Variants in EVC2 observed in about 807,000 individuals in gnomAD.
EVC2 encodes limbin.
A neutral mutation model predicts 149.3 loss-of-function variants in EVC2; 148 were observed. The ratio of observed to expected loss-of-function variants is 0.99; its 90% CI spans 0.87 to 1.14. The LOEUF is 1.14. EVC2 is among the 50% of genes most tolerant of loss of function. The probability of loss-of-function intolerance (pLI) is 0.00; values close to 1 mark genes in which losing one functional copy is unlikely to be tolerated. For synonymous variants in EVC2, 776 were observed against 649.9 expected (o/e 1.19, Z -2.95); for missense variants, 1,854 against 1,627.3 (o/e 1.14, Z -2.40).
intron 15 of EVC2, 138 bp from the exon 16 acceptor site, chr4:5,615,682 G>A: frequency 1.6e-6 from 2 of 1,229,628 alleles, no homozygotes; most frequent in Non-Finnish European, 2.4e-6. Context: ...CCAGAGAGGG[G>A]AGGAGAGAGG....
intron 17 of EVC2, among the ~76,000 whole-genome samples, chr4:5,580,430 A>C (rs149919047): frequency 6.6e-6 from 1 of 152,374 alleles, no homozygotes; most frequent in Non-Finnish European, 1.5e-5. Context: ...GATAAAATCG[A>C]AAATGTAAGT....
Position 5,622,995 on chromosome 4 carries a change from G to C in EVC2, c.2047-4C>G, listed in dbSNP as rs2108839468. ...GCTCCCTACGCTGCTCCCTGTGCTG[G>C]AGTTTCAGAAAAGAAAATTAAGTGG... On this transcript the variant is annotated splice_region_variant and splice_polypyrimidine_tract_variant and intron_variant, in intron 13 of 21. Coordinates refer to ENST00000344408, the MANE Select transcript of EVC2 (RefSeq NM_147127.5). The surrounding 1 kb of genome is among the most constrained non-coding windows in gnomAD (Gnocchi z 5.8). The C allele has an allele frequency of 6.2e-7, 1 of 1,613,770 alleles. No individual in the cohort carries two copies. Among genetic ancestry groups the C allele is most frequent in the Non-Finnish European group, 8.5e-7 (1 of 1,179,922 alleles).
At chr4:5,695,866 G>A (rs761882825) in intron 2 of EVC2, among the ~76,000 whole-genome samples, 7 of 152,080 alleles carry the variant, frequency 4.6e-5, no homozygotes, top group Non-Finnish European at 8.8e-5. Context: ...CAAAATATAT[G>A]CAGGAAAAAA....
intron 1 of EVC2, among the ~76,000 whole-genome samples, chr4:5,703,468 A>G (rs770220354): frequency 1.3e-5 from 2 of 152,214 alleles, no homozygotes; most frequent in South Asian, 2.1e-4. Context: ...ATAAATATTT[A>G]TAAGTTGACA....
At position 5,640,828 on chromosome 4, in the gene EVC2, C is replaced by G. The variant is rs770026240; in HGVS notation, c.1156G>C (p.Ala386Pro). The stretch of plus-strand genomic sequence containing the variant: ...TCTGCATCTGCCCGATTCAGGGTTG[C>G]AATCTCCAACCTAGGAAACACAAAA... ...MLQALEELEI[A>P]TLNRADADLE... is the part of the protein sequence containing the mutation. Residue 386 changes from alanine to proline, a missense_variant, in exon 10 of 22, where the codon GCA (alanine) becomes CCA (proline). Ala to Pro is a conservative substitution (Grantham distance 27, BLOSUM62 -1). Coordinates refer to ENST00000344408, the MANE Select transcript of EVC2 (RefSeq NM_147127.5). This position sits in a 1 kb window ranked among gnomAD's most constrained non-coding sequence, Gnocchi z 4.6. 26 of 1,614,052 alleles carry G rather than the reference C, an allele frequency of 1.6e-5. No homozygotes were observed. Among genetic ancestry groups the G allele is most frequent in the Non-Finnish European group, 2.1e-5 (25 of 1,180,034 alleles).
rs893848569 is a variant in EVC2 at position 5,622,700 on chromosome 4, G to A, written c.2338C>T (p.His780Tyr). The part of the protein sequence containing the change: ...WLFLQQILEE[H>Y]GKEMAARAEQ... ...GCCCGTGCAGCCATCTCCTTGCCGT[G>A]CTCCTCCAGGATCTGCTGCAGGAAG... Residue 780 changes from histidine to tyrosine, a missense_variant, in exon 14 of 22, where the codon CAC becomes TAC. Physicochemically the swap from His to Tyr is moderately conservative, Grantham distance 83. Transcript: ENST00000344408. The surrounding 1 kb of genome is among the most constrained non-coding windows in gnomAD (Gnocchi z 5.8). 3.1e-6 allele frequency: 5 copies of A among 1,614,114 alleles called. No homozygotes were observed. Among genetic ancestry groups the A allele is most frequent in the Non-Finnish European group, 4.2e-6 (5 of 1,180,034 alleles).
chr4:5,662,560 T>C (rs1376875716), intron 9 of EVC2, among the ~76,000 whole-genome samples: 4 of 128,966 alleles, frequency 3.1e-5, no homozygotes, highest in Non-Finnish European at 6.7e-5. Flanking sequence ...TTAAATATAT[T>C]AAATATAATA....
chr4:5,625,661 C>T lies in EVC2; in HGVS notation c.2046+88G>A, dbSNP rs1716052260. 6.4e-7 allele frequency: 1 copy of T among 1,555,390 alleles called. No homozygotes were observed. The highest frequency in any genetic ancestry group is 8.8e-7 in the Non-Finnish European group (1 of 1,134,984). On this transcript the variant is annotated intron_variant, in intron 13 of 21. Transcript: ENST00000344408. This position sits in a 1 kb window ranked among gnomAD's most constrained non-coding sequence, Gnocchi z 4.0. ...AGCTGCCCTTCTGATCCTAGTTCAC[C>T]AATGGCAATGTCTGGCACAGTACCT...
Position 5,613,633 on chromosome 4 carries a change from C to A in EVC2, c.2829+1789G>T, listed in dbSNP as rs577490233. On this transcript the variant is annotated intron_variant, in intron 16 of 21. Coordinates refer to ENST00000344408, the MANE Select transcript of EVC2 (RefSeq NM_147127.5). The surrounding 1 kb of genome is among the most constrained non-coding windows in gnomAD (Gnocchi z 4.6). ...GCTTCCCTAGGGGTAGGCTGCCCCC[C>A]ACAAGGAACCCCCTAGTGACACTGT... 5.9e-5 allele frequency among the ~76,000 whole-genome samples: 9 copies of A among 152,114 alleles called. No homozygotes were observed. In the South Asian group the frequency reaches 6.2e-4, roughly 11 times the overall value.
At chr4:5,652,648 G>A (rs767706658) in intron 9 of EVC2, among the ~76,000 whole-genome samples, 1 of 152,140 alleles carries the variant, frequency 6.6e-6, no homozygotes, top group Non-Finnish European at 1.5e-5. Context: ...CCAGGGTGAG[G>A]GAGATGGCAG....
intron 17 of EVC2, among the ~76,000 whole-genome samples, chr4:5,577,141 T>C (rs1046445710): frequency 6.6e-6 from 1 of 152,238 alleles, no homozygotes; most frequent in Non-Finnish European, 1.5e-5. Context: ...TCTCTTGCTT[T>C]ATAGGTAAAG....
intron 16 of EVC2, among the ~76,000 whole-genome samples, chr4:5,596,229 T>G (rs1713404506): frequency 6.6e-6 from 1 of 152,282 alleles, no homozygotes; most frequent in South Asian, 2.1e-4. Flanking sequence ...CTAACAGACA[T>G]CTACAGAACT....
At chr4:5,589,681 G>C (rs1244774642) in intron 16 of EVC2, among the ~76,000 whole-genome samples, 1 of 152,188 alleles carries the variant, frequency 6.6e-6, no homozygotes, top group South Asian at 2.1e-4. Flanking sequence ...TATTTCTTAG[G>C]GATCAGTTTT....
At chr4:5,675,057 T>A (rs779146777) in intron 7 of EVC2, among the ~76,000 whole-genome samples, 5 of 152,320 alleles carry the variant, frequency 3.3e-5, no homozygotes, top group Non-Finnish European at 5.9e-5. Flanking sequence ...CAAGGGCACC[T>A]CCTAAGCCTC....
intron 16 of EVC2, among the ~76,000 whole-genome samples, chr4:5,587,832 A>G (rs1294342517): frequency 6.6e-6 from 1 of 152,210 alleles, no homozygotes; most frequent in Non-Finnish European, 1.5e-5. Context: ...AGGGATCTTC[A>G]CAGTGCCTTT....
intron 11 of EVC2, among the ~76,000 whole-genome samples, chr4:5,629,520 C>T (rs1366035444): frequency 6.6e-6 from 1 of 152,244 alleles, no homozygotes; most frequent in African/African-American, 2.4e-5. Flanking sequence ...ACTCTATGGA[C>T]TGGCTTCGTT....
At chr4:5,639,563 T>C (rs1372611232) in intron 10 of EVC2, among the ~76,000 whole-genome samples, 1 of 152,234 alleles carries the variant, frequency 6.6e-6, no homozygotes, top group Non-Finnish European at 1.5e-5. Flanking sequence ...CCACCCACCC[T>C]GAGAGGTGGC....
chr4:5,631,877 A>T lies in EVC2; in HGVS notation c.1626T>A (p.Phe542Leu). ...TGAAAATAGCACTTTTTATCTGGGT[A>T]AAAAAGATACTGTGCAGTTCATTTC... ...FQRNELHSIF[F>L]TQIKSAIFKG... Residue 542 changes from phenylalanine to leucine, a missense_variant, in exon 11 of 22, where the codon TTT becomes TTA. Coordinates refer to ENST00000344408, the MANE Select transcript of EVC2 (RefSeq NM_147127.5). The T allele has an allele frequency of 6.2e-7, 1 of 1,614,244 alleles. No individual in the cohort carries two copies. The highest frequency in any genetic ancestry group is 1.7e-5 in the Admixed American group (1 of 60,024).
At chr4:5,656,258 T>C (rs1718512677) in intron 9 of EVC2, among the ~76,000 whole-genome samples, 2 of 152,052 alleles carry the variant, frequency 1.3e-5, no homozygotes, top group South Asian at 4.2e-4. Context: ...AGAAGACCCC[T>C]CAGCTCCTCA....
Sources: allele counts gnomAD v4.1 joint callset (sites outside exome capture counted in the v4.1 genomes callset), GRCh38; gene constraint gnomAD v4.1.1; non-coding constraint Gnocchi (gnomAD v3.1); transcripts MANE v1.5; gene names NCBI Gene and HGNC (gene_info 2026-07-23, HGNC 2026-07-21).